SRBD1: variants seen among roughly 807,000 people sequenced by gnomAD.
The protein encoded by SRBD1 is S1 RNA binding domain 1, also known as S1 RNA-binding domain-containing protein 1.
A neutral mutation model predicts 115.3 loss-of-function variants in SRBD1; 88 were observed. The observed-to-expected ratio is 0.76, with a 90% confidence interval of 0.64 to 0.91. SRBD1 has a LOEUF of 0.91. Among genes scored for constraint, SRBD1 ranks in the 40% least tolerant of loss-of-function variants. The pLI is 0.00. For missense variants in SRBD1, 1,385 were observed against 1,177.4 expected, an observed-to-expected ratio of 1.18 and a Z score of -2.58; for synonymous variants, 509 against 407.7, an observed-to-expected ratio of 1.25 and a Z score of -2.99.
At chr2:45,557,291 T>C (rs1672511600) in intron 10 of SRBD1, among the ~76,000 whole-genome samples, 1 of 152,160 alleles carries the variant, frequency 6.6e-6, no homozygotes, top group African/African-American at 2.4e-5. Flanking sequence ...GCTAGACAGA[T>C]AGTCCTTAGA....
At chr2:45,543,834 C>T (rs1672024342) in intron 14 of SRBD1, among the ~76,000 whole-genome samples, 1 of 152,002 alleles carries the variant, frequency 6.6e-6, no homozygotes, top group Admixed American at 6.5e-5. Context: ...AAAAATGGTT[C>T]AACTGTAGAA....
At chr2:45,508,228 G>A (rs1045943795) in intron 14 of SRBD1, among the ~76,000 whole-genome samples, 1 of 151,960 alleles carries the variant, frequency 6.6e-6, no homozygotes, top group African/African-American at 2.4e-5. Context: ...AGGTAAAAGA[G>A]GAAAAGAAAA....
At position 45,401,552 on chromosome 2, in the gene SRBD1, A is replaced by G. The variant is rs937279397; in HGVS notation, c.2514-8423T>C. 2.0e-5 allele frequency among the ~76,000 whole-genome samples: 3 copies of G among 152,202 alleles called. No individual in the cohort carries two copies. In the East Asian group the frequency reaches 5.8e-4, roughly 29 times the overall value. On this transcript the variant is annotated intron_variant, in intron 19 of 20. Coordinates refer to ENST00000263736, the MANE Select transcript of SRBD1 (RefSeq NM_018079.5). Reference sequence around the variant, plus strand: ...TTCGGGCTTTTTCAAATTTGCAAATAATCTCTTAGGTCTGTTTACCTAATC... The same window carrying G: ...TTCGGGCTTTTTCAAATTTGCAAATGATCTCTTAGGTCTGTTTACCTAATC...
rs1401815118 is a variant in SRBD1, at chr2:45,547,535, A to G, written c.1753T>C (p.Leu585=). 1.9e-6 allele frequency: 3 copies of G among 1,613,778 alleles called. No individual in the cohort carries two copies. The highest frequency in any genetic ancestry group is 2.2e-5 in the East Asian group (1 of 44,864). The change falls in exon 13 of 21, where the codon TTG becomes CTG. Residue 585 remains leucine (L), a synonymous_variant. Coordinates refer to ENST00000263736, the MANE Select transcript of SRBD1 (RefSeq NM_018079.5). ...FREAEKIKTL[L]LNFNCSTVVI... ...TTATTTTCATACTTGAAATTCAGCA[A>G]AAGTGTCTTTATTTTCTCCGCCTCT...
At chr2:45,430,372 C>T (rs13409365) in intron 16 of SRBD1, among the ~76,000 whole-genome samples, 36,993 of 152,134 alleles carry the variant, frequency 0.24, 6,277 homozygotes, top group African/African-American at 0.47. Context: ...CTGGAGGCAT[C>T]ACGCTACCTG....
At chr2:45,399,830 G>A (rs1245549924) in intron 19 of SRBD1, among the ~76,000 whole-genome samples, 1 of 152,156 alleles carries the variant, frequency 6.6e-6, no homozygotes, top group Non-Finnish European at 1.5e-5. Flanking sequence ...AAAACACTGT[G>A]TTTAGAATTA....
At chr2:45,458,662 C>T (rs968673006) in intron 16 of SRBD1, among the ~76,000 whole-genome samples, 1 of 152,164 alleles carries the variant, frequency 6.6e-6, no homozygotes, top group African/African-American at 2.4e-5. Flanking sequence ...TGCCTTACTA[C>T]ATTTTTGAAA....
intron 1 of SRBD1, among the ~76,000 whole-genome samples, 198 bp from the exon 2 acceptor site, chr2:45,605,639 C>T (rs929114104): frequency 1.2e-4 from 19 of 152,212 alleles, no homozygotes; most frequent in African/African-American, 3.9e-4. Flanking sequence ...CACCATGGCT[C>T]ATGCCTGTAA....
chr2:45,480,946 A>G (rs1669944771), intron 15 of SRBD1, among the ~76,000 whole-genome samples: 1 of 152,202 alleles, frequency 6.6e-6, no homozygotes, highest in Non-Finnish European at 1.5e-5. Flanking sequence ...GTCCATTGAT[A>G]CAGCAGACTA....
chr2:45,445,067 C>T (rs143726168), intron 16 of SRBD1, among the ~76,000 whole-genome samples: 95 of 152,276 alleles, frequency 6.2e-4, no homozygotes, highest in African/African-American at 2.2e-3. Context: ...TTGCTTTTAA[C>T]TAATCCAGTA....
intron 7 of SRBD1, among the ~76,000 whole-genome samples, chr2:45,579,612 G>A (rs1022719468): frequency 2.0e-5 from 3 of 151,674 alleles, no homozygotes; most frequent in Non-Finnish European, 4.4e-5. Flanking sequence ...ACATATAAAT[G>A]ACAAAAATTA....
intron 16 of SRBD1, among the ~76,000 whole-genome samples, chr2:45,434,338 T>C (rs1486180054): frequency 6.6e-6 from 1 of 152,214 alleles, no homozygotes. Context: ...CCATTCTGGA[T>C]GGCCTCAATT....
chr2:45,588,632 C>G (rs183019581), intron 4 of SRBD1, among the ~76,000 whole-genome samples: 130 of 152,324 alleles, frequency 8.5e-4, no homozygotes, highest in Admixed American at 1.4e-3. Flanking sequence ...AGCTCTACAG[C>G]ATGAGGCTCA....
At chr2:45,480,337 A>C (rs1225551266) in intron 15 of SRBD1, among the ~76,000 whole-genome samples, 1 of 152,134 alleles carries the variant, frequency 6.6e-6, no homozygotes, top group Non-Finnish European at 1.5e-5. Flanking sequence ...ATCTTTGGAA[A>C]AGGATTTACC....
intron 16 of SRBD1, chr2:45,448,151 G>A (rs1668883646): frequency 6.6e-6 from 1 of 152,028 alleles, no homozygotes; most frequent in African/African-American, 2.4e-5. Context: ...ATATAACTTA[G>A]TTATCAATAT....
At chr2:45,591,712 C>A (rs564174621) in intron 4 of SRBD1, among the ~76,000 whole-genome samples, 44 of 152,304 alleles carry the variant, frequency 2.9e-4, no homozygotes, top group Middle Eastern at 3.4e-3. Context: ...CCCTCCCCAA[C>A]TAGGAATGTT....
At chr2:45,468,805 C>T (rs2103796225) in intron 16 of SRBD1, among the ~76,000 whole-genome samples, 1 of 152,270 alleles carries the variant, frequency 6.6e-6, no homozygotes, top group Middle Eastern at 3.4e-3. Flanking sequence ...GCTCTGTTAA[C>T]TTCCAGTGCT....
Position 45,573,275 on chromosome 2 carries a change from T to C in SRBD1, c.1237A>G (p.Lys413Glu). 2 of 1,612,692 alleles carry C rather than the reference T, an allele frequency of 1.2e-6. No homozygotes were observed. Among genetic ancestry groups the C allele is most frequent in the South Asian group, 2.2e-5 (2 of 90,802 alleles). The change falls in exon 9 of 21, where the codon AAA (lysine) becomes GAA (glutamate). Residue 413 changes from lysine to glutamate, a missense_variant. Physicochemically the swap from Lys to Glu is moderately conservative, Grantham distance 56. Transcript: ENST00000263736. ...TAGAGCAGAAACTTATCAACATCTT[T>C]CTCATTTACCTTTTTTGAGGATACT... ...AKVSSKKVNEKDVDKFLLYQH... is the reference protein window; with the variant it reads ...AKVSSKKVNEEDVDKFLLYQH...
intron 5 of SRBD1, among the ~76,000 whole-genome samples, chr2:45,584,923 G>A (rs563534128): frequency 1.1e-4 from 16 of 152,188 alleles, no homozygotes; most frequent in Non-Finnish European, 1.6e-4. Flanking sequence ...GGCCAAGGCG[G>A]GTGGATCACT....
Sources: gnomAD v4.1 joint callset for allele counts (sites outside exome capture counted in the v4.1 genomes callset) on GRCh38, gnomAD v4.1.1 for gene constraint, MANE v1.5 for transcripts, NCBI Gene and HGNC (gene_info 2026-07-23, HGNC 2026-07-21) for gene names.